The following KCNN2 variants were observed in gnomAD, a reference collection of about 807,000 sequenced individuals.
KCNN2 encodes potassium calcium-activated channel subfamily N member 2, also known as small conductance calcium-activated potassium channel protein 2.
Under a neutral mutation model 55.5 loss-of-function variants are expected in KCNN2, and 24 were observed. The observed-to-expected ratio is 0.43, with a 90% CI of 0.31 to 0.61. The LOEUF is 0.61. Ranked by LOEUF, KCNN2 falls within the 20% of genes least tolerant of loss-of-function variation. The pLI, the probability that KCNN2 is intolerant of heterozygous loss-of-function variation, is 0.08. For missense variants in KCNN2, 754 were observed against 853.6 expected (o/e 0.88, Z 1.45); for synonymous variants, 431 against 336.1 (o/e 1.28, Z -3.09).
chr5:114,432,092 T>A (rs976238468), intron 3 of KCNN2, among the ~76,000 whole-genome samples: 1 of 152,260 alleles, frequency 6.6e-6, no homozygotes, highest in African/African-American at 2.4e-5. Flanking sequence ...TCCAGTTGAT[T>A]GATGGTGGTC....
At chr5:114,470,310 A>G (rs1383400917) in intron 4 of KCNN2, among the ~76,000 whole-genome samples, 3 of 152,196 alleles carry the variant, frequency 2.0e-5, no homozygotes, top group Admixed American at 1.3e-4. Context: ...TCTCTGCAGT[A>G]GTTAGGAACC....
intron 2 of KCNN2, among the ~76,000 whole-genome samples, chr5:114,242,643 TAGAA>T (rs1442509358): frequency 1.3e-5 from 2 of 152,126 alleles, no homozygotes; most frequent in Admixed American, 1.3e-4. Context: ...GAGTAAATGT[TAGAA>T]AGAGCAAGAA....
At chr5:114,171,088 T>C (rs1260153163) in intron 1 of KCNN2, among the ~76,000 whole-genome samples, 1 of 151,972 alleles carries the variant, frequency 6.6e-6, no homozygotes, top group Admixed American at 6.6e-5. Flanking sequence ...TATCTTTCCA[T>C]TCTGATGTTC....
At chr5:114,424,265 C>A (rs1759553045) in intron 3 of KCNN2, among the ~76,000 whole-genome samples, 1 of 152,192 alleles carries the variant, frequency 6.6e-6, no homozygotes, top group South Asian at 2.1e-4. Context: ...ATGCTCTGAA[C>A]TGAACCTGCA....
At chr5:114,435,926 A>G (rs1759989470) in intron 3 of KCNN2, among the ~76,000 whole-genome samples, 1 of 152,192 alleles carries the variant, frequency 6.6e-6, no homozygotes, top group South Asian at 2.1e-4. Context: ...ACTTTTGGTC[A>G]TTATGCTTCT....
intron 2 of KCNN2, among the ~76,000 whole-genome samples, chr5:114,386,181 TAAA>T (rs35485329): frequency 4.0e-5 from 4 of 100,914 alleles, no homozygotes; most frequent in African/African-American, 4.1e-5. Flanking sequence ...AGACTCTGTC[TAAA>T]AAAAAAAAAA....
chr5:114,363,843 G>C, intron 1 of KCNN2, 63 bp from the exon 2 acceptor site: 2 of 1,166,422 alleles, frequency 1.7e-6, no homozygotes, highest in South Asian at 2.5e-5. Context: ...CTGACTCTGG[G>C]GACGTGGAAG....
At chr5:114,113,614 A>G (rs1191101664) in intron 1 of KCNN2, among the ~76,000 whole-genome samples, 4 of 152,148 alleles carry the variant, frequency 2.6e-5, no homozygotes, top group Admixed American at 2.0e-4. Flanking sequence ...CTGAGAATTT[A>G]TGTACCATTT....
intron 1 of KCNN2, among the ~76,000 whole-genome samples, chr5:114,132,806 G>T (rs1752097735): frequency 6.6e-6 from 1 of 152,264 alleles, no homozygotes; most frequent in South Asian, 2.1e-4. Context: ...AGGAGAAATG[G>T]CTTGCTAATA....
intron 6 of KCNN2, among the ~76,000 whole-genome samples, chr5:114,492,388 A>G (rs1355384300): frequency 2.0e-5 from 3 of 152,170 alleles, no homozygotes; most frequent in Non-Finnish European, 2.9e-5. Context: ...GCAAAATAAG[A>G]TTGGCATGAC....
chr5:114,307,782 C>G (rs922051781), intron 2 of KCNN2, among the ~76,000 whole-genome samples: 3 of 152,156 alleles, frequency 2.0e-5, no homozygotes, highest in African/African-American at 7.2e-5. Flanking sequence ...GTTTTAGCAT[C>G]TCCACCTTAT....
chr5:114,388,342 G>T (rs1447932527), intron 2 of KCNN2, among the ~76,000 whole-genome samples: 1 of 151,946 alleles, frequency 6.6e-6, no homozygotes, highest in Non-Finnish European at 1.5e-5. Flanking sequence ...TCTTCTAGTG[G>T]TTACTCTTAA....
intron 1 of KCNN2, among the ~76,000 whole-genome samples, chr5:114,184,318 A>G (rs73779739): frequency 6.4e-4 from 98 of 152,330 alleles, no homozygotes; most frequent in African/African-American, 2.3e-3. Flanking sequence ...CTTAAAATCT[A>G]AAAATATTAT....
intron 1 of KCNN2, among the ~76,000 whole-genome samples, chr5:114,212,835 A>G (rs947365159): frequency 1.3e-5 from 2 of 152,064 alleles, no homozygotes; most frequent in African/African-American, 4.8e-5. Flanking sequence ...TCTTGGCCTA[A>G]TTAGTAGTGG....
At chr5:114,341,904 G>GT (rs58992446) in intron 2 of KCNN2, among the ~76,000 whole-genome samples, 16,758 of 138,250 alleles carry the variant, frequency 0.12, 1,177 homozygotes, top group African/African-American at 0.2. Context: ...TTCATAATGT[G>GT]TTTTTTTTTT....
chr5:114,162,569 C>T (rs1047078400), intron 1 of KCNN2, among the ~76,000 whole-genome samples: 2 of 152,152 alleles, frequency 1.3e-5, no homozygotes, highest in African/African-American at 4.8e-5. Context: ...GATATTGCTG[C>T]CTTTTGTTTG....
intron 4 of KCNN2, among the ~76,000 whole-genome samples, chr5:114,469,256 C>A (rs1019859969): frequency 6.6e-6 from 1 of 152,122 alleles, no homozygotes; most frequent in African/African-American, 2.4e-5. Context: ...TCTCCCTCTG[C>A]CCCCCTTAAC....
At chr5:114,127,528 C>A (rs1251448033) in intron 1 of KCNN2, among the ~76,000 whole-genome samples, 1 of 152,142 alleles carries the variant, frequency 6.6e-6, no homozygotes, top group African/African-American at 2.4e-5. Flanking sequence ...GCAGGGGAGC[C>A]CTCGGCCTGG....
At chr5:114,204,686 T>C (rs900375113) in intron 1 of KCNN2, among the ~76,000 whole-genome samples, 2 of 152,244 alleles carry the variant, frequency 1.3e-5, no homozygotes, top group African/African-American at 4.8e-5. Flanking sequence ...TTTTTGGAAA[T>C]GGCCGTGTCA....
Sources: gnomAD v4.1 joint callset for allele counts (sites outside exome capture counted in the v4.1 genomes callset) on GRCh38, gnomAD v4.1.1 for gene constraint, MANE v1.5 for transcripts, NCBI Gene and HGNC (gene_info 2026-07-23, HGNC 2026-07-21) for gene names.